TMEM108: variants seen among roughly 807,000 people sequenced by gnomAD.
The protein encoded by TMEM108 is transmembrane protein 108, also known as cancer/testis antigen 124.
TMEM108 carries 12 observed loss-of-function variants against 35.1 expected under a neutral mutation model. That is an observed-to-expected ratio of 0.34 (90% confidence interval 0.22 to 0.55). TMEM108 has a LOEUF of 0.55. Ranked by LOEUF, TMEM108 falls within the 20% of genes least tolerant of loss-of-function variation. TMEM108 has a pLI of 0.89. For synonymous variants in TMEM108, 287 were observed against 308.6 expected, an observed-to-expected ratio of 0.93 and a Z score of 0.73; for missense variants, 680 against 753.3, an observed-to-expected ratio of 0.90 and a Z score of 1.14.
chr3:133,347,930 T>C (rs868153368), intron 3 of TMEM108, among the ~76,000 whole-genome samples: 2 of 152,094 alleles, frequency 1.3e-5, no homozygotes, highest in Non-Finnish European at 2.9e-5. Flanking sequence ...TCACATTCTA[T>C]CTCAAAGGGA....
chr3:133,370,857 T>C (rs2072640487), intron 3 of TMEM108, among the ~76,000 whole-genome samples: 1 of 148,304 alleles, frequency 6.7e-6, no homozygotes, highest in African/African-American at 2.5e-5. Flanking sequence ...ATTCCGTCTG[T>C]TTCCCCAGCC....
chr3:133,047,775 G>A (rs1678588657), intron 2 of TMEM108, among the ~76,000 whole-genome samples: 1 of 152,060 alleles, frequency 6.6e-6, no homozygotes, highest in Non-Finnish European at 1.5e-5. Flanking sequence ...ACTTCATTTT[G>A]TTTCACTTTC....
intron 3 of TMEM108, among the ~76,000 whole-genome samples, chr3:133,230,735 C>T (rs7650741): frequency 0.13 from 19,782 of 152,130 alleles, 1,403 homozygotes; most frequent in South Asian, 0.22. Context: ...TCACCTATGC[C>T]GATTGTATGC....
intron 2 of TMEM108, among the ~76,000 whole-genome samples, chr3:133,224,683 G>A (rs1946042352): frequency 6.6e-6 from 1 of 152,134 alleles, no homozygotes; most frequent in Admixed American, 6.5e-5. Context: ...CCATGATTGT[G>A]AGTCCTCCCC....
At chr3:133,235,158 G>C (rs998201144) in intron 3 of TMEM108, among the ~76,000 whole-genome samples, 1 of 152,130 alleles carries the variant, frequency 6.6e-6, no homozygotes, top group East Asian at 1.9e-4. Flanking sequence ...AATCAATGTC[G>C]TGAAAATGGC....
intron 2 of TMEM108, among the ~76,000 whole-genome samples, chr3:133,076,243 A>G (rs1943741345): frequency 6.6e-6 from 1 of 150,764 alleles, no homozygotes; most frequent in Non-Finnish European, 1.5e-5. Flanking sequence ...CCATAAAAGT[A>G]GGTCGTGACC....
At chr3:133,373,379 A>T (rs974750097) in intron 3 of TMEM108, among the ~76,000 whole-genome samples, 2 of 127,462 alleles carry the variant, frequency 1.6e-5, no homozygotes, top group Non-Finnish European at 3.3e-5. Context: ...ATTTAGATAG[A>T]TAGATGATAG....
intron 2 of TMEM108, among the ~76,000 whole-genome samples, chr3:133,199,341 C>T (rs1945626017): frequency 1.3e-5 from 2 of 152,284 alleles, no homozygotes; most frequent in Admixed American, 6.5e-5. Context: ...GAGCTGCATT[C>T]CTTTGGAGGA....
intron 3 of TMEM108, among the ~76,000 whole-genome samples, chr3:133,326,226 G>A (rs1576457272): frequency 6.6e-6 from 1 of 152,182 alleles, no homozygotes; most frequent in South Asian, 2.1e-4. Context: ...ACACACCCCA[G>A]TCTAATGGTC....
intron 2 of TMEM108, among the ~76,000 whole-genome samples, chr3:133,072,755 T>A (rs769465665): frequency 6.6e-6 from 1 of 152,146 alleles, no homozygotes; most frequent in Non-Finnish European, 1.5e-5. Flanking sequence ...CACCACTATA[T>A]TTCAGAACAT....
At chr3:133,196,093 G>T (rs1945571845) in intron 2 of TMEM108, among the ~76,000 whole-genome samples, 1 of 152,126 alleles carries the variant, frequency 6.6e-6, no homozygotes, top group African/African-American at 2.4e-5. Context: ...TAAGCCATTG[G>T]CCACACTGGT....
Position 133,161,132 on chromosome 3 carries a change from C to T in TMEM108, c.-46-68134C>T, listed in dbSNP as rs189992903. Among the ~76,000 whole-genome samples, 95 of 152,368 alleles carry T rather than the reference C, an allele frequency of 6.2e-4. 2 individuals are homozygous for T. In the East Asian group the frequency reaches 0.018, roughly 28 times the overall value. ...AACCCCACATGATCTGGTCCCGCCT[C>T]TACCTTGGGCACCATTTTGTACCAG... is the stretch of plus-strand genomic sequence containing the variant. On this transcript the variant is annotated intron_variant, in intron 2 of 5. Coordinates refer to ENST00000321871, the MANE Select transcript of TMEM108 (RefSeq NM_023943.4).
At chr3:133,299,551 G>A (rs1947190281) in intron 3 of TMEM108, among the ~76,000 whole-genome samples, 1 of 152,180 alleles carries the variant, frequency 6.6e-6, no homozygotes, top group Non-Finnish European at 1.5e-5. Context: ...AGCTCATGAA[G>A]ATTATGCCCT....
At chr3:133,164,210 A>C (rs1945002980) in intron 2 of TMEM108, among the ~76,000 whole-genome samples, 1 of 152,216 alleles carries the variant, frequency 6.6e-6, no homozygotes, top group Non-Finnish European at 1.5e-5. Flanking sequence ...GAATACTTTT[A>C]TTAATCTCAG....
At chr3:133,177,707 T>C (rs1277412570) in intron 2 of TMEM108, among the ~76,000 whole-genome samples, 12 of 152,278 alleles carry the variant, frequency 7.9e-5, no homozygotes, top group Admixed American at 2.6e-4. Context: ...GCCAATATCA[T>C]ACTGAATGGG....
At chr3:133,201,419 G>T (rs1332005228) in intron 2 of TMEM108, among the ~76,000 whole-genome samples, 1 of 152,086 alleles carries the variant, frequency 6.6e-6, no homozygotes, top group Non-Finnish European at 1.5e-5. Context: ...TCTACAGTAG[G>T]TATTTCTTCT....
In TMEM108 at chr3:133,200,678, G is replaced by A. The variant is rs553435063; in HGVS notation, c.-46-28588G>A. Among the ~76,000 whole-genome samples, 19 of 152,224 alleles carry A rather than the reference G, an allele frequency of 1.2e-4. No individual in the cohort carries two copies. In the South Asian group the frequency reaches 3.9e-3, roughly 32 times the overall value. On this transcript the variant is annotated intron_variant, in intron 2 of 5. Coordinates refer to ENST00000321871, the MANE Select transcript of TMEM108 (RefSeq NM_023943.4). ...GCTCTTATATCAATGACTTCCCAGG[G>A]TCAGAAATTGTATATAATGGTTTTC... is the stretch of plus-strand genomic sequence containing the variant.
intron 2 of TMEM108, among the ~76,000 whole-genome samples, chr3:133,226,097 T>G (rs999920379): frequency 6.6e-6 from 1 of 152,250 alleles, no homozygotes; most frequent in Non-Finnish European, 1.5e-5. Flanking sequence ...TTCAAAGATT[T>G]TCTGGTTGGC....
intron 5 of TMEM108, among the ~76,000 whole-genome samples, chr3:133,393,390 G>A (rs1391701957): frequency 6.6e-6 from 1 of 152,206 alleles, no homozygotes; most frequent in Admixed American, 6.5e-5. Flanking sequence ...TGCTGCCTGA[G>A]GCAGGAGCAT....
Sources: allele counts gnomAD v4.1 joint callset (sites outside exome capture counted in the v4.1 genomes callset), GRCh38; gene constraint gnomAD v4.1.1; transcripts MANE v1.5; gene names NCBI Gene and HGNC (gene_info 2026-07-23, HGNC 2026-07-21).